Variants in HIP1 observed in about 807,000 individuals in gnomAD.
HIP1 encodes the protein huntingtin interacting protein 1.
HIP1 carries 65 observed loss-of-function variants against 147.6 expected under a neutral mutation model. The ratio of observed to expected loss-of-function variants is 0.44; its 90% CI spans 0.36 to 0.54. The LOEUF is 0.54. Ranked by LOEUF, HIP1 falls within the 20% of genes least tolerant of loss-of-function variation. The probability of loss-of-function intolerance (pLI) is 0.00; values close to 1 mark genes in which losing one functional copy is unlikely to be tolerated. For synonymous variants in HIP1, 479 were observed against 504.0 expected, an observed-to-expected ratio of 0.95 and a Z score of 0.67; for missense variants, 1,061 against 1,299.6, an observed-to-expected ratio of 0.82 and a Z score of 2.82.
intron 1 of HIP1, among the ~76,000 whole-genome samples, chr7:75,663,573 A>C (rs978991437): frequency 4.0e-5 from 6 of 151,866 alleles, no homozygotes; most frequent in African/African-American, 1.5e-4. Context: ...TTGATGCATC[A>C]CTGACCTCTG....
At chr7:75,598,892 C>T (rs781912123) in intron 2 of HIP1, among the ~76,000 whole-genome samples, 1 of 152,138 alleles carries the variant, frequency 6.6e-6, no homozygotes, top group Non-Finnish European at 1.5e-5. Flanking sequence ...CGGCAAGACC[C>T]CTTTTGGAAA....
intron 1 of HIP1, among the ~76,000 whole-genome samples, chr7:75,710,873 T>G (rs1263263149): frequency 6.6e-6 from 1 of 152,176 alleles, no homozygotes; most frequent in Admixed American, 6.6e-5. Context: ...TTATTTGATG[T>G]TAACTTACCA....
chr7:75,631,408 C>T (rs369675531), intron 1 of HIP1, among the ~76,000 whole-genome samples: 4 of 152,122 alleles, frequency 2.6e-5, no homozygotes, highest in South Asian at 2.1e-4. Context: ...GTGGTAGCAA[C>T]GGGACCTTAG....
rs1554489978 is a variant in HIP1, at chr7:75,541,958, C to T, written c.2913G>A (p.Met971Ile). ...EETDNMDFSS[M>I]TLTQIKRQEM... is the part of the protein sequence containing the mutation. ...CTTGGCGTTTGATCTGTGTCAGCGT[C>T]ATGCTTGAGAAGTCCATGTTGTCTG... The change falls in exon 29 of 31, where the codon ATG becomes ATA. Residue 971 changes from methionine (M) to isoleucine (I), a missense_variant. Around this residue, in one of 3 missense-constraint regions of HIP1, gnomAD observed 810 missense variants for 946.8 expected, o/e 0.86. Transcript: ENST00000336926. The T allele has an allele frequency of 6.2e-7, 1 of 1,614,026 alleles. No homozygotes were observed. The highest frequency in any genetic ancestry group is 2.2e-5 in the East Asian group (1 of 44,878).
At chr7:75,545,731 G>A (rs1232121064) in intron 25 of HIP1, among the ~76,000 whole-genome samples, 5 of 151,948 alleles carry the variant, frequency 3.3e-5, no homozygotes, top group African/African-American at 9.7e-5. Context: ...AGATCACGAG[G>A]TCAAGAGATT....
intron 1 of HIP1, among the ~76,000 whole-genome samples, chr7:75,736,240 C>T (rs1802017064): frequency 6.6e-6 from 1 of 151,394 alleles, no homozygotes; most frequent in Admixed American, 6.6e-5. Context: ...TGGGCCGTCC[C>T]TGGATAGCAG....
Position 75,639,193 on chromosome 7 carries a change from G to C in HIP1, c.121-39946C>G, listed in dbSNP as rs1385460154. 5.1e-6 allele frequency: 5 copies of C among 982,714 alleles called. No individual in the cohort carries two copies. The African/African-American group carries it at 5.3e-5, about 10-fold the overall frequency. 60.9% of individuals were successfully genotyped at this position (982,714 alleles called of 1,614,324 possible). A position where few individuals can be genotyped will look rare whatever the true frequency, so the allele number is the denominator to read the frequency against. ...GCGGCCGGCAGGGCCCCCGCGGACC[G>C]GGGCAGGCGGCGGCGGCGGCGGCGG... On this transcript the variant is annotated intron_variant, in intron 1 of 30. Transcript: ENST00000336926.
intron 1 of HIP1, among the ~76,000 whole-genome samples, chr7:75,674,086 C>G (rs1458102796): frequency 6.6e-6 from 1 of 152,076 alleles, no homozygotes; most frequent in Admixed American, 6.6e-5. Context: ...TAATAGAAAA[C>G]TTTGTCATGT....
chr7:75,555,943 G>T lies in HIP1; in HGVS notation c.1827+83C>A. 4 of 1,538,896 alleles carry T rather than the reference G, an allele frequency of 2.6e-6. No homozygotes were observed. The South Asian group carries it at 4.8e-5, about 19-fold the overall frequency. ...CCCAAACCCCTTCTCAGCAGCCCCG[G>T]GGTCCTCCCAGCCTCCGTGCATGCG... On this transcript the variant is annotated intron_variant, in intron 18 of 30. Coordinates refer to ENST00000336926, the MANE Select transcript of HIP1 (RefSeq NM_005338.7).
chr7:75,708,333 C>T (rs1554519890), intron 1 of HIP1, among the ~76,000 whole-genome samples: 1 of 152,024 alleles, frequency 6.6e-6, no homozygotes, highest in East Asian at 1.9e-4. Flanking sequence ...TCTATTGATG[C>T]CCCAAAAGTG....
At chr7:75,595,187 CCTTT>C (rs587760351) in intron 2 of HIP1, among the ~76,000 whole-genome samples, 2,082 of 108,350 alleles carry the variant, frequency 0.019, 131 homozygotes, top group Middle Eastern at 0.041. Flanking sequence ...GTGTAGGAGT[CCTTT>C]CTTTCTTTCT....
intron 1 of HIP1, among the ~76,000 whole-genome samples, chr7:75,697,329 G>A (rs1800671781): frequency 6.6e-6 from 1 of 152,028 alleles, no homozygotes; most frequent in African/African-American, 2.4e-5. Context: ...ACTTTGGGAG[G>A]TTGAGAGGGG....
intron 1 of HIP1, among the ~76,000 whole-genome samples, chr7:75,737,932 A>T (rs1246348128): frequency 5.3e-5 from 8 of 152,212 alleles, no homozygotes; most frequent in Non-Finnish European, 5.9e-5. Flanking sequence ...AAATGAATTG[A>T]TGAACACCAT....
intron 1 of HIP1, among the ~76,000 whole-genome samples, chr7:75,636,389 A>G (rs1007370061): frequency 6.6e-6 from 1 of 152,098 alleles, no homozygotes; most frequent in Non-Finnish European, 1.5e-5. Context: ...CAGGTAAACT[A>G]TAATCTGCTT....
chr7:75,573,012 G>A (rs1463152305), intron 8 of HIP1, among the ~76,000 whole-genome samples: 10 of 152,218 alleles, frequency 6.6e-5, no homozygotes, highest in African/African-American at 1.4e-4. Context: ...GCATGGCAGC[G>A]GGAGGCAGAC....
chr7:75,629,277 A>C (rs1228498708), intron 1 of HIP1, among the ~76,000 whole-genome samples: 1 of 152,110 alleles, frequency 6.6e-6, no homozygotes, highest in African/African-American at 2.4e-5. Flanking sequence ...CTGATTGTCA[A>C]GTGGAGGCAG....
In HIP1 at chr7:75,732,054, G is replaced by A. The variant is rs527639059; in HGVS notation, c.120+6747C>T. Among the ~76,000 whole-genome samples, 9 of 152,228 alleles carry A rather than the reference G, an allele frequency of 5.9e-5. No homozygotes were observed. The South Asian group carries it at 1.9e-3, about 32-fold the overall frequency. On this transcript the variant is annotated intron_variant, in intron 1 of 30. Transcript: ENST00000336926. ...GCTGAGCATCTGCTTAAGATCATGA[G>A]CAAGAGGGCAGAAGTACCCGCAACG...
intron 14 of HIP1, 33 bp downstream of exon 14, chr7:75,559,699 C>CCGGG: frequency 2.9e-5 from 36 of 1,226,488 alleles, no homozygotes; most frequent in Middle Eastern, 2.9e-4. Flanking sequence ...CGCCTGCCCC[C>CCGGG]GGGGCCCGCC....
chr7:75,650,313 G>A (rs782794632), intron 1 of HIP1, among the ~76,000 whole-genome samples: 28 of 151,988 alleles, frequency 1.8e-4, no homozygotes, highest in Non-Finnish European at 3.1e-4. Flanking sequence ...GCCCCTGCCC[G>A]CCAGCTCCTC....
Sources: gnomAD v4.1 joint callset for allele counts (sites outside exome capture counted in the v4.1 genomes callset) on GRCh38, gnomAD v4.1.1 for gene constraint, gnomAD v4.1.1 regional missense constraint, MANE v1.5 for transcripts, NCBI Gene and HGNC (gene_info 2026-07-23, HGNC 2026-07-21) for gene names.